PCBP2: variants seen among roughly 807,000 people sequenced by gnomAD.
PCBP2 encodes poly(rC)-binding protein 2.
In PCBP2, 4 loss-of-function variants were observed where a neutral mutation model predicts 50.1. That is an observed-to-expected ratio of 0.08 (90% CI 0.04 to 0.18). PCBP2 has a LOEUF of 0.18. Among genes scored for constraint, PCBP2 ranks in the 10% least tolerant of loss-of-function variants. The probability of loss-of-function intolerance (pLI) is 1.00; values close to 1 mark genes in which losing one functional copy is unlikely to be tolerated. For missense variants in PCBP2, 161 were observed against 474.3 expected (o/e 0.34, Z 6.14); for synonymous variants, 179 against 168.0 (o/e 1.07, Z -0.51).
At chr12:53,455,197 A>C (rs546221246) in intron 2 of PCBP2, 150 bp from the exon 3 acceptor site, 26 of 727,092 alleles carry the variant, frequency 3.6e-5, no homozygotes, top group Non-Finnish European at 5.4e-5. Context: ...AATAATTAGC[A>C]TAGATAGCAG....
Position 53,480,069 on chromosome 12 carries a change from C to T in PCBP2, c.*627C>T, listed in dbSNP as rs1423129122. 1 of 151,962 alleles carries T rather than the reference C, an allele frequency of 6.6e-6. No individual in the cohort carries two copies. Among genetic ancestry groups the T allele is most frequent in the African/African-American group, 2.4e-5 (1 of 41,324 alleles). 9.4% of individuals were successfully genotyped at this position (151,962 alleles called of 1,614,324 possible). On this transcript the variant is annotated 3_prime_UTR_variant, in exon 15 of 15. Coordinates refer to ENST00000546463, the MANE Select transcript of PCBP2 (RefSeq NM_031989.5). Reference sequence around the variant, plus strand: ...GAGGATTAGACTTTCCGAGGACTTACCTGTCCTAGGGGAGTAGGCAAGCAC... The same window carrying T: ...GAGGATTAGACTTTCCGAGGACTTATCTGTCCTAGGGGAGTAGGCAAGCAC...
intron 14 of PCBP2, chr12:53,475,537 C>T: frequency 6.2e-6 from 1 of 160,478 alleles, no homozygotes. Flanking sequence ...TGAATAAAAG[C>T]TGCTTCGTTA....
rs772236439 is a variant in PCBP2, at chr12:53,464,848, T to C, written c.668T>C (p.Leu223Pro). The C allele has an allele frequency of 1.2e-6, 2 of 1,605,918 alleles. No individual in the cohort carries two copies. The highest frequency in any genetic ancestry group is 1.1e-5 in the South Asian group (1 of 89,640). The change falls in exon 9 of 15, where the codon CTA (leucine) becomes CCA (proline). Residue 223 changes from leucine to proline, a missense_variant. Transcript: ENST00000546463. ...AACCCTGACCTGGAGGGACCACCTC[T>C]AGAGGTGAGAGGGGATGTTCAGTCT... ...CLNPDLEGPP[L>P]EAYTIQGQYA...
chr12:53,472,449 C>T (rs1010956701), intron 14 of PCBP2, among the ~76,000 whole-genome samples: 2 of 152,188 alleles, frequency 1.3e-5, no homozygotes, highest in African/African-American at 4.8e-5. Context: ...GGTAGTGTTA[C>T]TACTCTCAAT....
At chr12:53,456,628 T>C (rs1444290136) in intron 5 of PCBP2, among the ~76,000 whole-genome samples, 2 of 152,196 alleles carry the variant, frequency 1.3e-5, no homozygotes, top group Admixed American at 6.5e-5. Context: ...ACACAAATAA[T>C]CTTCCAATCC....
intron 13 of PCBP2, among the ~76,000 whole-genome samples, chr12:53,471,052 G>C (rs1369791124): frequency 6.6e-6 from 1 of 152,068 alleles, no homozygotes; most frequent in African/African-American, 2.4e-5. Context: ...AGTTGGCTCA[G>C]AACTGGCTGT....
intron 7 of PCBP2, among the ~76,000 whole-genome samples, chr12:53,462,008 C>A (rs1941485357): frequency 6.6e-6 from 1 of 152,116 alleles, no homozygotes; most frequent in Non-Finnish European, 1.5e-5. Context: ...TGCACCCAAC[C>A]TGGAAACTGG....
In PCBP2 at chr12:53,468,936, T is replaced by TC. The variant is rs11447052; in HGVS notation, c.882+104_882+105insC. 2.5e-5 allele frequency: 21 copies of TC among 852,454 alleles called. No individual in the cohort carries two copies. The East Asian group carries it at 4.5e-4, about 18-fold the overall frequency. The allele number at this position is 852,454 out of a possible 1,614,324, so 52.8% of individuals were successfully genotyped here. On this transcript the variant is annotated intron_variant, in intron 13 of 14. Transcript: ENST00000546463. The stretch of plus-strand genomic sequence containing the variant: ...GCTACCCTTTTTTTTTTTTTTTTTT[T>TC]AAACAGCCCAGGCTGTAGTGCAGTG...
chr12:53,464,564 A>G (rs1941690321), intron 8 of PCBP2, 196 bp from the exon 9 acceptor site: 13 of 632,928 alleles, frequency 2.1e-5, no homozygotes, highest in African/African-American at 3.8e-5. Context: ...AAATAGCCCA[A>G]TTGTGCAGTG....
At chr12:53,471,896 A>C in intron 14 of PCBP2, 89 bp downstream of exon 14, 3 of 980,280 alleles carry the variant, frequency 3.1e-6, no homozygotes, top group Non-Finnish European at 4.3e-6. Context: ...ATGGGATTAC[A>C]TGGGCGATGG....
chr12:53,460,674 A>G, intron 6 of PCBP2: 1 of 234,678 alleles, frequency 4.3e-6, no homozygotes, highest in Non-Finnish European at 8.6e-6. Context: ...TTTTTTCAGT[A>G]ACATAATGAA....
At chr12:53,463,264 C>T (rs1193279384) in intron 8 of PCBP2, among the ~76,000 whole-genome samples, 1 of 152,114 alleles carries the variant, frequency 6.6e-6, no homozygotes, top group East Asian at 1.9e-4. Context: ...ATCTTTGGCA[C>T]GTGGACTATT....
intron 1 of PCBP2, chr12:53,453,104 C>G (rs939932503): frequency 6.6e-6 from 1 of 151,786 alleles, no homozygotes; most frequent in Non-Finnish European, 1.5e-5. Flanking sequence ...TTGACCTAGT[C>G]AGGAGGGAAA....
chr12:53,468,683 T>C, intron 12 of PCBP2, 94 bp from the exon 13 acceptor site: 1 of 948,700 alleles, frequency 1.1e-6, no homozygotes, highest in Non-Finnish European at 1.7e-6. Context: ...TGATGCTGGG[T>C]TTCCAGTTTA....
At position 53,481,111 on chromosome 12, in the gene PCBP2, A is replaced by G. The variant is rs1943019352; in HGVS notation, c.*1669A>G. The G allele has an allele frequency of 3.6e-6, 2 of 556,396 alleles. No individual in the cohort carries two copies. The highest frequency in any genetic ancestry group is 4.9e-6 in the Non-Finnish European group (2 of 407,446). The allele number at this position is 556,396 out of a possible 1,614,324, so 34.5% of individuals were successfully genotyped here. On this transcript the variant is annotated 3_prime_UTR_variant, in exon 15 of 15. Transcript: ENST00000546463. ...TCTTTCTGTTGATTATGTGGCGCATATATATATATATATGTATATATATAT... is the reference window on the plus strand; with the variant it reads ...TCTTTCTGTTGATTATGTGGCGCATGTATATATATATATGTATATATATAT...
At chr12:53,467,144 C>T in intron 10 of PCBP2, 77 bp from the exon 11 acceptor site, 2 of 1,109,880 alleles carry the variant, frequency 1.8e-6, no homozygotes, top group South Asian at 2.7e-5. Context: ...TCAGGACCTG[C>T]ATTTTCAAAT....
At chr12:53,479,234 T>A (rs1292313176) in intron 14 of PCBP2, among the ~76,000 whole-genome samples, 172 bp from the exon 15 acceptor site, 1 of 152,230 alleles carries the variant, frequency 6.6e-6, no homozygotes, top group East Asian at 1.9e-4. Flanking sequence ...CTCCACATGC[T>A]TGAATTGCAA....
chr12:53,453,187 T>G (rs1940712934), intron 1 of PCBP2: 1 of 151,416 alleles, frequency 6.6e-6, no homozygotes, highest in Admixed American at 6.6e-5. Flanking sequence ...AGAAATGGCT[T>G]CAAATAGGTT....
At chr12:53,459,757 C>T (rs1414735263) in intron 6 of PCBP2, 1 of 316,754 alleles carries the variant, frequency 3.2e-6, no homozygotes, top group Non-Finnish European at 6.4e-6. Flanking sequence ...TAATTTTTAA[C>T]TTTTTTTCTT....
Sources: allele counts gnomAD v4.1 joint callset (sites outside exome capture counted in the v4.1 genomes callset), GRCh38; gene constraint gnomAD v4.1.1; transcripts MANE v1.5; gene names NCBI Gene and HGNC (gene_info 2026-07-23, HGNC 2026-07-21).